NRXN1: variants seen among roughly 807,000 people sequenced by gnomAD.
The protein encoded by NRXN1 is neurexin 1.
NRXN1 carries 39 observed loss-of-function variants against 150.9 expected under a neutral mutation model. That is an observed-to-expected ratio of 0.26 (90% CI 0.20 to 0.34). The LOEUF (loss-of-function observed/expected upper bound fraction) is 0.34, where lower values mean the gene tolerates loss of function less well. Ranked by LOEUF, NRXN1 falls within the 10% of genes least tolerant of loss-of-function variation. The probability of loss-of-function intolerance (pLI) is 1.00; values close to 1 mark genes in which losing one functional copy is unlikely to be tolerated. For missense variants in NRXN1, 1,815 were observed against 1,949.9 expected, an observed-to-expected ratio of 0.93 and a Z score of 1.30; for synonymous variants, 924 against 757.0, an observed-to-expected ratio of 1.22 and a Z score of -3.62.
intron 17 of NRXN1, among the ~76,000 whole-genome samples, chr2:50,258,289 C>A (rs1481094512): frequency 1.3e-5 from 2 of 152,070 alleles, no homozygotes; most frequent in Admixed American, 6.6e-5. Flanking sequence ...CCTGCTGCTG[C>A]TTTTTCAACT....
In NRXN1 at chr2:50,427,530, G is replaced by C. The variant is rs933603977; in HGVS notation, c.3364+37912C>G. On this transcript the variant is annotated intron_variant, in intron 17 of 22. Coordinates refer to ENST00000401669, the MANE Select transcript of NRXN1 (RefSeq NM_001330078.2). ...CTCTAGCAGATTTCCCTAACTGGAA[G>C]TGTCATGTAAGGAGACATCCACAAA... is the stretch of plus-strand genomic sequence containing the variant. Among the ~76,000 whole-genome samples, 11 of 152,190 alleles carry C rather than the reference G, an allele frequency of 7.2e-5. 1 individual carries two copies. The highest frequency in any genetic ancestry group is 7.2e-4 in the Admixed American group (11 of 15,288).
chr2:50,744,763 T>A (rs758224036), intron 5 of NRXN1, among the ~76,000 whole-genome samples: 1 of 152,296 alleles, frequency 6.6e-6, no homozygotes, highest in South Asian at 2.1e-4. Context: ...AGATTATGGT[T>A]ACATGAAACT....
intron 19 of NRXN1, among the ~76,000 whole-genome samples, chr2:50,056,039 G>A (rs996288465): frequency 4.6e-5 from 7 of 152,064 alleles, no homozygotes; most frequent in East Asian, 3.9e-4. Context: ...ACACCATCTC[G>A]GTGTTGAGTT....
In NRXN1 at chr2:50,690,832, G is replaced by C. The variant is rs549673795; in HGVS notation, c.833-67217C>G. ...ATTTTCTCTTCTCCAAACACACACA[G>C]ATATTAAATAAACCACTCCCCTCCC... On this transcript the variant is annotated intron_variant, in intron 5 of 22. Transcript: ENST00000401669. Among the ~76,000 whole-genome samples, 6 of 152,146 alleles carry C rather than the reference G, an allele frequency of 3.9e-5. No homozygotes were observed. In the East Asian group the frequency reaches 9.7e-4, roughly 25 times the overall value.
In NRXN1 at chr2:50,392,175, C is replaced by T. The variant is rs1430059226; in HGVS notation, c.3364+73267G>A. ...GATAACTAGCGATGAATTCATCAAA[C>T]CAAACTTATTTAATAATACCAGAAC... On this transcript the variant is annotated intron_variant, in intron 17 of 22. Transcript: ENST00000401669. 2.6e-5 allele frequency among the ~76,000 whole-genome samples: 4 copies of T among 152,144 alleles called. No individual in the cohort carries two copies. In the East Asian group the frequency reaches 7.8e-4, roughly 30 times the overall value.
intron 18 of NRXN1, among the ~76,000 whole-genome samples, chr2:50,188,275 G>A (rs2061217062): frequency 1.3e-5 from 2 of 152,094 alleles, no homozygotes; most frequent in African/African-American, 4.8e-5. Context: ...AACGGGGAAA[G>A]GATTCCCTAT....
intron 22 of NRXN1, among the ~76,000 whole-genome samples, chr2:49,941,606 A>G (rs1671986778): frequency 1.3e-5 from 2 of 152,254 alleles, no homozygotes; most frequent in African/African-American, 4.8e-5. Context: ...CTGCAACAAG[A>G]GTATGATAGC....
At chr2:50,264,518 A>G (rs2068638896) in intron 17 of NRXN1, among the ~76,000 whole-genome samples, 2 of 152,102 alleles carry the variant, frequency 1.3e-5, no homozygotes, top group African/African-American at 2.4e-5. Flanking sequence ...ATCAGCAGAA[A>G]GAGGCAACAA....
chr2:50,213,748 T>G (rs771803218), intron 18 of NRXN1, among the ~76,000 whole-genome samples: 3 of 151,886 alleles, frequency 2.0e-5, no homozygotes, highest in Non-Finnish European at 2.9e-5. Context: ...TCTAATCACT[T>G]TTAATTTCTT....
At chr2:50,252,239 T>A (rs1177772268) in intron 17 of NRXN1, among the ~76,000 whole-genome samples, 2 of 138,180 alleles carry the variant, frequency 1.4e-5, no homozygotes, top group Non-Finnish European at 3.0e-5. Flanking sequence ...TGTCCTTTTT[T>A]TTTTTTCTTT....
intron 5 of NRXN1, among the ~76,000 whole-genome samples, chr2:50,897,143 C>A (rs965017296): frequency 6.6e-6 from 1 of 152,202 alleles, no homozygotes; most frequent in African/African-American, 2.4e-5. Context: ...TGTTAAGCAG[C>A]TCTACTGTTT....
intron 2 of NRXN1, among the ~76,000 whole-genome samples, chr2:51,017,599 C>G (rs1463435493): frequency 7.7e-6 from 1 of 129,216 alleles, no homozygotes; most frequent in Non-Finnish European, 1.6e-5. Flanking sequence ...TCAAGTGACT[C>G]TATTTGTACT....
chr2:50,984,350 C>G lies in NRXN1; in HGVS notation c.772+43152G>C, dbSNP rs188747438. 7.3e-4 allele frequency among the ~76,000 whole-genome samples: 110 copies of G among 151,720 alleles called. 1 individual carries two copies. Among genetic ancestry groups the G allele is most frequent in the African/African-American group, 2.6e-3 (106 of 41,412 alleles). On this transcript the variant is annotated intron_variant, in intron 2 of 22. Coordinates refer to ENST00000401669, the MANE Select transcript of NRXN1 (RefSeq NM_001330078.2). ...ATCTAAGAATTAGAAAAAGGTTTCT[C>G]TTTTTAATAAATAAAACAAAAAGAA...
chr2:50,084,310 G>A (rs1244095686), intron 19 of NRXN1, among the ~76,000 whole-genome samples: 1 of 152,198 alleles, frequency 6.6e-6, no homozygotes, highest in Non-Finnish European at 1.5e-5. Context: ...CACTGGGGAG[G>A]GGAGGCTCAG....
At chr2:50,883,951 G>C (rs1449130816) in intron 5 of NRXN1, among the ~76,000 whole-genome samples, 1 of 151,738 alleles carries the variant, frequency 6.6e-6, no homozygotes, top group East Asian at 1.9e-4. Context: ...CACCAGGATG[G>C]CATGCTTCTG....
chr2:50,167,020 C>T (rs550645349), intron 18 of NRXN1, among the ~76,000 whole-genome samples: 2 of 152,198 alleles, frequency 1.3e-5, no homozygotes, highest in South Asian at 2.1e-4. Flanking sequence ...ATGTAGATTA[C>T]ATACAATGAA....
Position 50,050,422 on chromosome 2 carries a change from T to G in NRXN1, c.4128+2849A>C, listed in dbSNP as rs375693719. Among the ~76,000 whole-genome samples the G allele has an allele frequency of 2.0e-5, 3 of 152,182 alleles. No homozygotes were observed. In the East Asian group the frequency reaches 5.8e-4, roughly 29 times the overall value. Reference sequence around the variant, plus strand: ...CAATCACCCCAAGGTACATTGCCATTGTAGCTTAAGTGGCTCAGTGTTATC... The same window carrying G: ...CAATCACCCCAAGGTACATTGCCATGGTAGCTTAAGTGGCTCAGTGTTATC... On this transcript the variant is annotated intron_variant, in intron 21 of 22. Transcript: ENST00000401669.
At chr2:50,157,759 G>A (rs992271141) in intron 18 of NRXN1, among the ~76,000 whole-genome samples, 1 of 151,978 alleles carries the variant, frequency 6.6e-6, no homozygotes, top group African/African-American at 2.4e-5. Context: ...TCTGTAGTGA[G>A]AAAAGTTTAA....
At chr2:50,967,814 C>T (rs1006361260) in intron 2 of NRXN1, among the ~76,000 whole-genome samples, 1 of 151,882 alleles carries the variant, frequency 6.6e-6, no homozygotes, top group African/African-American at 2.4e-5. Context: ...AAGGTCTTTT[C>T]TAGAAGTTTG....
Sources: allele counts gnomAD v4.1 joint callset (sites outside exome capture counted in the v4.1 genomes callset), GRCh38; gene constraint gnomAD v4.1.1; transcripts MANE v1.5; gene names NCBI Gene and HGNC (gene_info 2026-07-23, HGNC 2026-07-21).